The following RNFT2 variants were observed in gnomAD, a reference collection of about 807,000 sequenced individuals.
RNFT2 encodes the protein E3 ubiquitin-protein ligase RNFT2.
Under a neutral mutation model 53.0 loss-of-function variants are expected in RNFT2, and 36 were observed. The observed-to-expected ratio is 0.68, with a 90% CI of 0.52 to 0.90. The LOEUF (loss-of-function observed/expected upper bound fraction) is 0.90. Among genes scored for constraint, RNFT2 ranks in the 40% least tolerant of loss-of-function variants. The probability of loss-of-function intolerance (pLI) is 0.00; values close to 1 mark genes in which losing one functional copy is unlikely to be tolerated. For missense variants in RNFT2, 514 were observed against 585.6 expected (o/e 0.88, Z 1.26); for synonymous variants, 260 against 253.2 (o/e 1.03, Z -0.26).
chr12:116,738,900 G>A (rs3809193), intron 1 of RNFT2, among the ~76,000 whole-genome samples: 4,770 of 152,276 alleles, frequency 0.031, 194 homozygotes, highest in East Asian at 0.15. Flanking sequence ...GGAGGGGCGA[G>A]AGGAGGATTA....
At chr12:116,812,283 A>C (rs1875417087) in intron 7 of RNFT2, among the ~76,000 whole-genome samples, 1 of 152,080 alleles carries the variant, frequency 6.6e-6, no homozygotes, top group African/African-American at 2.4e-5. Context: ...ACATAAATAC[A>C]CACTGAGTGA....
At chr12:116,750,850 TAATATATA>T (rs1566069410) in intron 4 of RNFT2, among the ~76,000 whole-genome samples, 9 of 3,310 alleles carry the variant, frequency 2.7e-3, no homozygotes, top group Middle Eastern at 0.17. Context: ...TATATATATA[TAATATATA>T]TTATATATAT....
At position 116,847,496 on chromosome 12, in the gene RNFT2, G is replaced by A. The variant is rs114263645; in HGVS notation, c.1201-1818G>A. Among the ~76,000 whole-genome samples, 542 of 151,790 alleles carry A rather than the reference G, an allele frequency of 3.6e-3. 4 individuals are homozygous for A. Among genetic ancestry groups the A allele is most frequent in the African/African-American group, 0.013 (518 of 41,438 alleles). On this transcript the variant is annotated intron_variant, in intron 10 of 10. Coordinates refer to ENST00000257575, the MANE Select transcript of RNFT2 (RefSeq NM_001382266.1). ...CAGCCAGAGAACGGTGGAACCCATT[G>A]GTCTTTCCAATCTCCCTGCCTTTCT...
chr12:116,797,711 A>G (rs1422259318), intron 7 of RNFT2, among the ~76,000 whole-genome samples: 1 of 151,496 alleles, frequency 6.6e-6, no homozygotes, highest in Non-Finnish European at 1.5e-5. Context: ...GTTACAGCTC[A>G]GGCAGTGTTA....
chr12:116,842,367 A>G (rs1333725609), intron 10 of RNFT2, among the ~76,000 whole-genome samples: 1 of 152,112 alleles, frequency 6.6e-6, no homozygotes, highest in Non-Finnish European at 1.5e-5. Context: ...ACTGGGGGCC[A>G]TAATGGAAAT....
chr12:116,755,380 T>C (rs891294616), intron 5 of RNFT2: 7 of 801,272 alleles, frequency 8.7e-6, no homozygotes, highest in Middle Eastern at 3.0e-4. Context: ...TTTTTTTTTT[T>C]TTTAACACCT....
chr12:116,747,321 G>T, intron 3 of RNFT2, among the ~76,000 whole-genome samples: 1 of 152,210 alleles, frequency 6.6e-6, no homozygotes, highest in East Asian at 1.9e-4. Flanking sequence ...CTCCCAAAGT[G>T]CTGGGATTAT....
chr12:116,847,423 A>T (rs1592995304), intron 10 of RNFT2, among the ~76,000 whole-genome samples: 1 of 152,060 alleles, frequency 6.6e-6, no homozygotes, highest in East Asian at 1.9e-4. Context: ...CATTTTACAG[A>T]TGGGGGAACT....
intron 7 of RNFT2, among the ~76,000 whole-genome samples, chr12:116,797,270 A>T (rs1254910224): frequency 6.6e-6 from 1 of 152,178 alleles, no homozygotes; most frequent in Non-Finnish European, 1.5e-5. Flanking sequence ...AATAGGGTCT[A>T]TAAAGATGGC....
chr12:116,746,847 C>G (rs758932618), intron 3 of RNFT2, among the ~76,000 whole-genome samples: 2 of 152,064 alleles, frequency 1.3e-5, no homozygotes, highest in Non-Finnish European at 2.9e-5. Flanking sequence ...TTAGTGGGAT[C>G]GTGAAATAAT....
At chr12:116,768,302 T>C (rs1050979217) in intron 6 of RNFT2, among the ~76,000 whole-genome samples, 2 of 152,076 alleles carry the variant, frequency 1.3e-5, no homozygotes, top group Non-Finnish European at 2.9e-5. Context: ...GGTTTCACCA[T>C]GTTGGCCAGG....
At chr12:116,827,199 A>G (rs1365995933) in intron 7 of RNFT2, among the ~76,000 whole-genome samples, 5 of 150,378 alleles carry the variant, frequency 3.3e-5, no homozygotes, top group Admixed American at 3.3e-4. Flanking sequence ...CAGCCTAGGC[A>G]ACAGGGTGAG....
At chr12:116,834,898 G>A (rs1374923317) in intron 8 of RNFT2, among the ~76,000 whole-genome samples, 1 of 149,572 alleles carries the variant, frequency 6.7e-6, no homozygotes, top group African/African-American at 2.5e-5. Flanking sequence ...TGCCCAGGCT[G>A]GAGTGGAGTG....
In RNFT2 at chr12:116,740,399, G is replaced by A; in HGVS notation, c.-99G>A. ...TGTGCATCCCTCTGGAGACGAAGAG[G>A]AGGGGGAGGCCTGTCCTCTCTGGGA... is the stretch of plus-strand genomic sequence containing the variant. On this transcript the variant is annotated 5_prime_UTR_variant, in exon 2 of 11. Coordinates refer to ENST00000257575, the MANE Select transcript of RNFT2 (RefSeq NM_001382266.1). 8.2e-7 allele frequency: 1 copy of A among 1,213,076 alleles called. No individual in the cohort carries two copies. 75.1% of individuals were successfully genotyped at this position (1,213,076 alleles called of 1,614,324 possible). A position where few individuals can be genotyped will look rare whatever the true frequency, so the allele number is the denominator to read the frequency against.
intron 7 of RNFT2, among the ~76,000 whole-genome samples, chr12:116,830,537 C>A (rs1876586980): frequency 6.6e-6 from 1 of 152,168 alleles, no homozygotes; most frequent in South Asian, 2.1e-4. Flanking sequence ...ATCCTCCCAC[C>A]TTAGCCTCCC....
intron 7 of RNFT2, among the ~76,000 whole-genome samples, chr12:116,804,482 T>C (rs897217832): frequency 6.6e-6 from 1 of 152,236 alleles, no homozygotes; most frequent in African/African-American, 2.4e-5. Flanking sequence ...GTAATATTCT[T>C]TGGTTTATTC....
intron 7 of RNFT2, among the ~76,000 whole-genome samples, chr12:116,804,317 C>G (rs573290582): frequency 3.3e-4 from 51 of 152,300 alleles, no homozygotes; most frequent in African/African-American, 1.2e-3. Context: ...GACCCCACCC[C>G]AGACCTACTG....
At chr12:116,798,035 C>T (rs1283901031) in intron 7 of RNFT2, among the ~76,000 whole-genome samples, 1 of 152,080 alleles carries the variant, frequency 6.6e-6, no homozygotes, top group Non-Finnish European at 1.5e-5. Context: ...ATATCTGAGC[C>T]CCATCTCTGG....
At chr12:116,848,715 T>C (rs538162724) in intron 10 of RNFT2, among the ~76,000 whole-genome samples, 1 of 152,316 alleles carries the variant, frequency 6.6e-6, no homozygotes, top group East Asian at 1.9e-4. Context: ...CTCACTGTCC[T>C]GCAAGTTTTA....
Sources: allele counts gnomAD v4.1 joint callset (sites outside exome capture counted in the v4.1 genomes callset), GRCh38; gene constraint gnomAD v4.1.1; transcripts MANE v1.5; gene names NCBI Gene and HGNC (gene_info 2026-07-23, HGNC 2026-07-21).